Variants in MMP26 observed in about 807,000 individuals in gnomAD.
The protein encoded by MMP26 is matrix metallopeptidase 26.
Under a neutral mutation model 31.0 loss-of-function variants are expected in MMP26, and 33 were observed. That is an observed-to-expected ratio of 1.06 (90% confidence interval 0.81 to 1.42). The LOEUF is 1.42. Among genes scored for constraint, MMP26 ranks in the 40% most tolerant of loss-of-function variants. The pLI, the probability that MMP26 is intolerant of heterozygous loss-of-function variation, is 0.00. For missense variants in MMP26, 347 were observed against 316.1 expected (o/e 1.10, Z -0.74); for synonymous variants, 122 against 114.9 (o/e 1.06, Z -0.40).
At chr11:4,810,256 A>G (rs1284557419) in intron 2 of MMP26, among the ~76,000 whole-genome samples, 4 of 139,040 alleles carry the variant, frequency 2.9e-5, no homozygotes, top group Non-Finnish European at 6.5e-5. Context: ...TAGTCGGAGT[A>G]CATATATTTA....
At chr11:4,899,768 A>C (rs1000589856) in intron 2 of MMP26, among the ~76,000 whole-genome samples, 7 of 152,174 alleles carry the variant, frequency 4.6e-5, no homozygotes, top group African/African-American at 1.7e-4. Context: ...GATCAAAGTT[A>C]TTAGGCAAGA....
chr11:4,823,219 T>C (rs997273617), intron 2 of MMP26, among the ~76,000 whole-genome samples: 8 of 151,982 alleles, frequency 5.3e-5, no homozygotes, highest in Non-Finnish European at 8.8e-5. Context: ...GTAGTGAATA[T>C]TAACATAAGA....
intron 2 of MMP26, among the ~76,000 whole-genome samples, chr11:4,817,060 C>T (rs977491897): frequency 3.3e-5 from 5 of 151,474 alleles, no homozygotes; most frequent in Non-Finnish European, 2.9e-5. Context: ...TTCTGTATCC[C>T]GTGTTGAATA....
At chr11:4,860,546 A>T in intron 2 of MMP26, 1 of 467,108 alleles carries the variant, frequency 2.1e-6, no homozygotes, top group Non-Finnish European at 4.4e-6. Context: ...TTGGCCTGTG[A>T]TGCATTCAAG....
At position 4,755,710 on chromosome 11, in the gene MMP26, G is replaced by A. The variant is rs147383939; in HGVS notation, c.-216-11560G>A. 8.7e-4 allele frequency among the ~76,000 whole-genome samples: 133 copies of A among 152,050 alleles called. 1 individual carries two copies. Among genetic ancestry groups the A allele is most frequent in the Admixed American group, 2.9e-3 (45 of 15,262 alleles). Reference sequence around the variant, plus strand: ...CAGTGTTGGTTGAATGTTATCTGTAGGCTGCTAGAAACTGGAAATTATACC... The same window carrying A: ...CAGTGTTGGTTGAATGTTATCTGTAAGCTGCTAGAAACTGGAAATTATACC... On this transcript the variant is annotated intron_variant, in intron 1 of 7. Transcript: ENST00000380390.
chr11:4,986,906 T>C (rs981887477), intron 2 of MMP26, among the ~76,000 whole-genome samples: 4 of 50,880 alleles, frequency 7.9e-5, no homozygotes, highest in Non-Finnish European at 1.6e-4. Context: ...TTCCTTCCTT[T>C]CTCTCTCTCT....
intron 2 of MMP26, among the ~76,000 whole-genome samples, chr11:4,801,504 TTTTATTTA>T (rs141208345): frequency 0.54 from 72,372 of 134,584 alleles, 20,806 homozygotes; most frequent in East Asian, 0.82. Flanking sequence ...GTCCCGGACT[TTTTATTTA>T]TTTATTTATT....
intron 2 of MMP26, among the ~76,000 whole-genome samples, chr11:4,841,697 C>A: frequency 6.6e-6 from 1 of 152,172 alleles, no homozygotes; most frequent in East Asian, 1.9e-4. Context: ...CTTTGGGAGG[C>A]CGAAGCAGGC....
chr11:4,975,492 G>A (rs771536206), intron 2 of MMP26, among the ~76,000 whole-genome samples: 4 of 152,074 alleles, frequency 2.6e-5, no homozygotes, highest in Non-Finnish European at 5.9e-5. Flanking sequence ...GGGCTTGTAA[G>A]ATTGTTATTT....
At chr11:4,718,828 C>G (rs941149247) in intron 1 of MMP26, 5 of 159,808 alleles carry the variant, frequency 3.1e-5, no homozygotes, top group African/African-American at 1.2e-4. Flanking sequence ...CACCACTGAC[C>G]TCGGCCTGTC....
chr11:4,921,835 T>C (rs1161942220), intron 2 of MMP26, among the ~76,000 whole-genome samples: 1 of 152,210 alleles, frequency 6.6e-6, no homozygotes, highest in Admixed American at 6.5e-5. Context: ...AAAGTTTTAT[T>C]AAAAGTTATT....
At chr11:4,756,481 A>C (rs1340421680) in intron 1 of MMP26, among the ~76,000 whole-genome samples, 1 of 152,114 alleles carries the variant, frequency 6.6e-6, no homozygotes, top group East Asian at 1.9e-4. Flanking sequence ...GACTTAAATA[A>C]GTTTTTTTTT....
At chr11:4,891,553 T>C (rs1468228424) in intron 2 of MMP26, among the ~76,000 whole-genome samples, 1 of 152,180 alleles carries the variant, frequency 6.6e-6, no homozygotes, top group African/African-American at 2.4e-5. Flanking sequence ...GCTCTGAGCT[T>C]CTAAAGCTGT....
intron 2 of MMP26, among the ~76,000 whole-genome samples, chr11:4,965,032 C>G (rs1380546851): frequency 6.6e-6 from 1 of 152,100 alleles, no homozygotes; most frequent in East Asian, 1.9e-4. Flanking sequence ...ACACATTTAC[C>G]TATGTAACAA....
intron 2 of MMP26, among the ~76,000 whole-genome samples, chr11:4,885,373 C>T (rs1053125324): frequency 6.6e-6 from 1 of 152,126 alleles, no homozygotes; most frequent in Non-Finnish European, 1.5e-5. Flanking sequence ...GCCTCATATG[C>T]CACAGTAGTC....
intron 2 of MMP26, among the ~76,000 whole-genome samples, chr11:4,845,330 G>A (rs12360722): frequency 0.21 from 31,662 of 151,970 alleles, 4,004 homozygotes; most frequent in South Asian, 0.33. Context: ...TGTCCATACC[G>A]TCCAAAGCAC....
At chr11:4,946,069 T>C (rs1846294932) in intron 2 of MMP26, 2 of 1,176,290 alleles carry the variant, frequency 1.7e-6, no homozygotes, top group Admixed American at 1.9e-5. Flanking sequence ...AAAATATGTG[T>C]TGATAATTCT....
At chr11:4,772,952 A>G (rs1404179520) in intron 2 of MMP26, among the ~76,000 whole-genome samples, 1 of 152,168 alleles carries the variant, frequency 6.6e-6, no homozygotes, top group African/African-American at 2.4e-5. Flanking sequence ...GATGGGTTCA[A>G]TTGAAGCACT....
At chr11:4,801,502 CTTTTTATTTAT>C (rs915770015) in intron 2 of MMP26, among the ~76,000 whole-genome samples, 4 of 137,962 alleles carry the variant, frequency 2.9e-5, no homozygotes, top group Non-Finnish European at 6.2e-5. Flanking sequence ...AGGTCCCGGA[CTTTTTATTTAT>C]TTATTTATTT....
Sources: gnomAD v4.1 joint callset for allele counts (sites outside exome capture counted in the v4.1 genomes callset) on GRCh38, gnomAD v4.1.1 for gene constraint, MANE v1.5 for transcripts, NCBI Gene and HGNC (gene_info 2026-07-23, HGNC 2026-07-21) for gene names.